Variants in MINK1 observed in about 807,000 individuals in gnomAD.
The protein encoded by MINK1 is misshapen-like kinase 1.
Under a neutral mutation model 178.4 loss-of-function variants are expected in MINK1, and 46 were observed. The observed-to-expected ratio is 0.26, with a 90% CI of 0.20 to 0.33. The LOEUF (loss-of-function observed/expected upper bound fraction) is 0.33. Among genes scored for constraint, MINK1 ranks in the 10% least tolerant of loss-of-function variants. The pLI is 1.00. For synonymous variants in MINK1, 797 were observed against 709.7 expected, an observed-to-expected ratio of 1.12 and a Z score of -1.96; for missense variants, 1,366 against 1,814.9, an observed-to-expected ratio of 0.75 and a Z score of 4.49.
intron 4 of MINK1, among the ~76,000 whole-genome samples, chr17:4,881,935 G>A (rs1009233619): frequency 2.0e-5 from 3 of 152,274 alleles, no homozygotes; most frequent in Admixed American, 6.5e-5. Flanking sequence ...GAGTTTTGGC[G>A]CTGACGCCAG....
chr17:4,837,952 C>G (rs1279263803), intron 1 of MINK1, among the ~76,000 whole-genome samples: 1 of 152,164 alleles, frequency 6.6e-6, no homozygotes, highest in Non-Finnish European at 1.5e-5. Context: ...CTTCATGCGG[C>G]TGTGGAGCCA....
At position 4,896,282 on chromosome 17, in the gene MINK1, T is replaced by C. The variant is rs1471078399; in HGVS notation, c.3555T>C (p.Ala1185=). 1 of 1,606,598 alleles carries C rather than the reference T, an allele frequency of 6.2e-7. No individual in the cohort carries two copies. Among genetic ancestry groups the C allele is most frequent in the Non-Finnish European group, 8.5e-7 (1 of 1,176,084 alleles). The change falls in exon 29 of 32, where the codon GCT becomes GCC. Residue 1185 remains alanine (A), a synonymous_variant. Transcript: ENST00000355280. This position sits in a 1 kb window ranked among gnomAD's most constrained non-coding sequence, Gnocchi z 4.6. ...QRLKVIYGSS[A]GFHAVDVDSG... ...TCAAGGTCATCTATGGCTCCAGTGC[T>C]GGCTTCCATGCTGTGGATGTCGACT...
intron 1 of MINK1, among the ~76,000 whole-genome samples, chr17:4,854,542 C>T (rs1191218331): frequency 2.0e-5 from 3 of 152,230 alleles, no homozygotes; most frequent in Non-Finnish European, 4.4e-5. Flanking sequence ...CTTGTTTCTG[C>T]CTCTGCATGT....
In MINK1 at chr17:4,897,567, C is replaced by T; in HGVS notation, c.*280C>T. 2.5e-6 allele frequency: 1 copy of T among 401,922 alleles called. No homozygotes were observed. The highest frequency in any genetic ancestry group is 4.8e-5 in the East Asian group (1 of 20,694). The allele number at this position is 401,922 out of a possible 1,614,324, so 24.9% of individuals were successfully genotyped here. On this transcript the variant is annotated 3_prime_UTR_variant, in exon 32 of 32. Coordinates refer to ENST00000355280, the MANE Select transcript of MINK1 (RefSeq NM_153827.5). ...GAATTGAGTGGGCCTAGCCCCTCCC[C>T]CCTTTTCTCCATTTGAGAGGAGAGT...
At chr17:4,860,126 A>G (rs1473739900) in intron 1 of MINK1, among the ~76,000 whole-genome samples, 2 of 152,164 alleles carry the variant, frequency 1.3e-5, no homozygotes, top group African/African-American at 4.8e-5. Flanking sequence ...GCATGTCGTT[A>G]GAGGAGCTAC....
At position 4,892,168 on chromosome 17, in the gene MINK1, C is replaced by T. The variant is rs1035278160; in HGVS notation, c.2021C>T (p.Ser674Phe). The change falls in exon 17 of 32, where the codon TCT becomes TTT. Residue 674 changes from serine (S) to phenylalanine (F), a missense_variant. Coordinates refer to ENST00000355280, the MANE Select transcript of MINK1 (RefSeq NM_153827.5). ...CCACAGGTGCCTCAGAGGACCTCAT[C>T]TATCGCCACTGCCCTTAACACCAGT... ...APPKVPQRTS[S>F]IATALNTSGA... The T allele has an allele frequency of 1.2e-6, 2 of 1,600,388 alleles. No homozygotes were observed. The highest frequency in any genetic ancestry group is 2.7e-5 in the African/African-American group (2 of 74,694).
Position 4,892,417 on chromosome 17 carries a change from C to T in MINK1, c.2103C>T (p.Ser701=), listed in dbSNP as rs769166088. The T allele has an allele frequency of 2.4e-5, 37 of 1,559,474 alleles. No homozygotes were observed. The highest frequency in any genetic ancestry group is 4.7e-5 in the South Asian group (4 of 84,690). ...QAVRARPRSN[S]AWQIYLQRRA... is the part of the protein sequence containing the mutation. ...CCCTTCACAGACCTCGCAGCAACTC[C>T]GCCTGGCAAATCTATCTGCAAAGGC... The change falls in exon 18 of 32, where the codon TCC becomes TCT. Residue 701 remains serine (S), a synonymous_variant. Transcript: ENST00000355280.
intron 2 of MINK1, 108 bp from the exon 3 acceptor site, chr17:4,880,876 G>A: frequency 8.8e-7 from 1 of 1,138,140 alleles, no homozygotes; most frequent in Non-Finnish European, 1.2e-6. Flanking sequence ...CTCTAGTCTG[G>A]GCGACAGAGC....
At chr17:4,888,686 C>G (rs1968460148) in intron 12 of MINK1, among the ~76,000 whole-genome samples, 1 of 130,548 alleles carries the variant, frequency 7.7e-6, no homozygotes, top group East Asian at 2.1e-4. Context: ...TAACAAAGTC[C>G]TATCTTTTTT....
rs199925209 is a variant in MINK1 at position 4,897,289 on chromosome 17, G to A, written c.*2G>A. ...CGTAACTGCATCATGAACTGGTGAC[G>A]GGGCCCTGGGCTGGGGCTGTCCCAC... On this transcript the variant is annotated 3_prime_UTR_variant, in exon 32 of 32. Coordinates refer to ENST00000355280, the MANE Select transcript of MINK1 (RefSeq NM_153827.5). 33 of 1,613,232 alleles carry A rather than the reference G, an allele frequency of 2.0e-5. No individual in the cohort carries two copies. The highest frequency in any genetic ancestry group is 1.6e-4 in the Middle Eastern group (1 of 6,078).
intron 15 of MINK1, 90 bp downstream of exon 15, chr17:4,891,214 ACACAC>A (rs1968777085): frequency 2.6e-6 from 3 of 1,171,256 alleles, no homozygotes; most frequent in Admixed American, 2.9e-5. Flanking sequence ...ACACACACAC[ACACAC>A]ACACACCTGC....
intron 1 of MINK1, among the ~76,000 whole-genome samples, chr17:4,846,024 C>T (rs2150773925): frequency 6.6e-6 from 1 of 152,306 alleles, no homozygotes; most frequent in South Asian, 2.1e-4. Flanking sequence ...TTTACAGTTT[C>T]TCATTGACCT....
chr17:4,839,171 C>A lies in MINK1; in HGVS notation c.57+5531C>A, dbSNP rs562297314. Reference sequence around the variant, plus strand: ...TGTTAGCCAGGATGGTCTTGATCTCCTGACCTTGTAATCTGCCCGCCTCAG... The same window carrying A: ...TGTTAGCCAGGATGGTCTTGATCTCATGACCTTGTAATCTGCCCGCCTCAG... On this transcript the variant is annotated intron_variant, in intron 1 of 31. Coordinates refer to ENST00000355280, the MANE Select transcript of MINK1 (RefSeq NM_153827.5). Among the ~76,000 whole-genome samples, 20 of 152,282 alleles carry A rather than the reference C, an allele frequency of 1.3e-4. No homozygotes were observed. In the South Asian group the frequency reaches 1.9e-3, roughly 14 times the overall value.
intron 1 of MINK1, among the ~76,000 whole-genome samples, chr17:4,860,513 T>C (rs1290661453): frequency 6.6e-6 from 1 of 152,188 alleles, no homozygotes; most frequent in African/African-American, 2.4e-5. Flanking sequence ...TAATCTCCTC[T>C]CAGTCTGTAC....
At chr17:4,842,661 C>T (rs987792375) in intron 1 of MINK1, among the ~76,000 whole-genome samples, 1 of 152,198 alleles carries the variant, frequency 6.6e-6, no homozygotes, top group African/African-American at 2.4e-5. Flanking sequence ...GCTTGCAATA[C>T]TTAGTCTTTA....
chr17:4,859,143 G>A (rs1306426074), intron 1 of MINK1: 3 of 985,346 alleles, frequency 3.0e-6, no homozygotes, highest in East Asian at 1.1e-4. Context: ...GCACAGGAGA[G>A]ACCAGTCCTT....
chr17:4,837,596 C>T (rs1214586157), intron 1 of MINK1, among the ~76,000 whole-genome samples: 1 of 152,218 alleles, frequency 6.6e-6, no homozygotes, highest in Non-Finnish European at 1.5e-5. Context: ...GGAGAACCTT[C>T]TGACTTGGAA....
intron 5 of MINK1, 73 bp from the exon 6 acceptor site, chr17:4,884,839 C>T (rs1968049764): frequency 3.7e-6 from 5 of 1,337,932 alleles, no homozygotes; most frequent in Non-Finnish European, 5.3e-6. Flanking sequence ...CTTGTCCCCT[C>T]AACTCACTCC....
At chr17:4,875,178 C>T in intron 1 of MINK1, 1 of 520,012 alleles carries the variant, frequency 1.9e-6, no homozygotes, top group Non-Finnish European at 3.8e-6. Context: ...AGCCTCTAAT[C>T]TAGAACTGAA....
Sources: allele counts gnomAD v4.1 joint callset (sites outside exome capture counted in the v4.1 genomes callset), GRCh38; gene constraint gnomAD v4.1.1; non-coding constraint Gnocchi (gnomAD v3.1); transcripts MANE v1.5; gene names NCBI Gene and HGNC (gene_info 2026-07-23, HGNC 2026-07-21).